Variants in PEX10 observed in about 807,000 individuals in gnomAD.
The protein encoded by PEX10 is peroxisome biogenesis factor 10.
A neutral mutation model predicts 38.0 loss-of-function variants in PEX10; 32 were observed. The ratio of observed to expected loss-of-function variants is 0.84; its 90% CI spans 0.63 to 1.13. The LOEUF (loss-of-function observed/expected upper bound fraction) is 1.13, where lower values mean the gene tolerates loss of function less well. Ranked by LOEUF, PEX10 falls within the 50% of genes most tolerant of loss-of-function variation. PEX10 has a pLI of 0.00. For synonymous variants in PEX10, 206 were observed against 207.3 expected, an observed-to-expected ratio of 0.99 and a Z score of 0.05; for missense variants, 483 against 457.7, an observed-to-expected ratio of 1.06 and a Z score of -0.51.
Position 2,405,407 on chromosome 1 carries a change from A to G in PEX10, c.*359T>C. 1 of 405,090 alleles carries G rather than the reference A, an allele frequency of 2.5e-6. No individual in the cohort carries two copies. 25.1% of individuals were successfully genotyped at this position (405,090 alleles called of 1,614,324 possible). A position where few individuals can be genotyped will look rare whatever the true frequency, so the allele number is the denominator to read the frequency against. On this transcript the variant is annotated 3_prime_UTR_variant, in exon 6 of 6. Coordinates refer to ENST00000447513, the MANE Select transcript of PEX10 (RefSeq NM_002617.4). Reference sequence around the variant, plus strand: ...AGCCTGATGGGGCTGTTTTCTCACAATATAAACGAATAAAGTGTCTTCTGG... The same window carrying G: ...AGCCTGATGGGGCTGTTTTCTCACAGTATAAACGAATAAAGTGTCTTCTGG...
chr1:2,408,418 C>CTAAG (rs772255287), intron 3 of PEX10, 34 bp downstream of exon 3: 6 of 1,611,340 alleles, frequency 3.7e-6, no homozygotes, highest in Admixed American at 3.3e-5. Flanking sequence ...CAAGGACGGC[C>CTAAG]TAAGCAGCTG....
At position 2,408,568 on chromosome 1, in the gene PEX10, G is replaced by A. The variant is rs570706924; in HGVS notation, c.484C>T (p.Arg162Trp). 28 of 1,612,128 alleles carry A rather than the reference G, an allele frequency of 1.7e-5. No individual in the cohort carries two copies. Among genetic ancestry groups the A allele is most frequent in the African/African-American group, 9.3e-5 (7 of 75,064 alleles). The change falls in exon 3 of 6, where the codon CGG becomes TGG. Residue 162 changes from arginine to tryptophan, a missense_variant. Transcript: ENST00000447513. ...CCCTGTCTGAGGACGAAGACCGCCC[G>A]CAGCAGCGCCCTCCTCTGCTGCTCA... is the stretch of plus-strand genomic sequence containing the variant. ...LTEQQRRALLRAVFVLRQGLA... is the reference protein window; with the variant it reads ...LTEQQRRALLWAVFVLRQGLA...
chr1:2,408,161 C>T (rs993511055), intron 3 of PEX10, among the ~76,000 whole-genome samples: 1 of 152,088 alleles, frequency 6.6e-6, no homozygotes, highest in African/African-American at 2.4e-5. Context: ...GACCCGGGGC[C>T]CCCCGGTCAG....
chr1:2,412,600 G>T (rs1177473811), upstream of PEX10: 15 of 959,850 alleles, frequency 1.6e-5, no homozygotes, highest in South Asian at 1.0e-4. Flanking sequence ...TGCGTGCGGC[G>T]CAGACCTCTG....
In PEX10 at chr1:2,409,333, G is replaced by A. The variant is rs1557911113; in HGVS notation, c.194-475C>T. Among the ~76,000 whole-genome samples the A allele has an allele frequency of 6.6e-6, 1 of 152,088 alleles. No individual in the cohort carries two copies. The highest frequency in any genetic ancestry group is 2.4e-5 in the African/African-American group (1 of 41,406). On this transcript the variant is annotated intron_variant, in intron 2 of 5. Transcript: ENST00000447513. This position sits in a 1 kb window ranked among gnomAD's most constrained non-coding sequence, Gnocchi z 6.2. ...GACATCGCCATGTATGCTCAGATGA[G>A]CACCCCAATTCCACCCCTGCCGAGA...
rs1401666486 is a variant in PEX10 at position 2,412,539 on chromosome 1, G to A, written c.-37C>T. On this transcript the variant is annotated 5_prime_UTR_variant, in exon 1 of 6. Coordinates refer to ENST00000447513, the MANE Select transcript of PEX10 (RefSeq NM_002617.4). ...CGGGTGGTCCCGAGCAGCCACGCCG[G>A]CCACGCCCACGCCCAGACGGGCGAG... 2.3e-6 allele frequency: 3 copies of A among 1,298,230 alleles called. No homozygotes were observed. Among genetic ancestry groups the A allele is most frequent in the Non-Finnish European group, 2.9e-6 (3 of 1,021,994 alleles). The allele number at this position is 1,298,230 out of a possible 1,614,324, so 80.4% of individuals were successfully genotyped here. A position where few individuals can be genotyped will look rare whatever the true frequency, so the allele number is the denominator to read the frequency against.
At position 2,409,184 on chromosome 1, in the gene PEX10, C is replaced by T. The variant is rs1002552958; in HGVS notation, c.194-326G>A. 2.0e-5 allele frequency among the ~76,000 whole-genome samples: 3 copies of T among 152,148 alleles called. No homozygotes were observed. Among genetic ancestry groups the T allele is most frequent in the Non-Finnish European group, 4.4e-5 (3 of 68,018 alleles). ...CTCCCTAGCTGTCCCCGCCACCTCCCCCAGCCCAAGCACTCGGATCCAGTC... is the reference window on the plus strand; with the variant it reads ...CTCCCTAGCTGTCCCCGCCACCTCCTCCAGCCCAAGCACTCGGATCCAGTC... On this transcript the variant is annotated intron_variant, in intron 2 of 5. Coordinates refer to ENST00000447513, the MANE Select transcript of PEX10 (RefSeq NM_002617.4). This position sits in a 1 kb window ranked among gnomAD's most constrained non-coding sequence, Gnocchi z 6.2.
In PEX10 at chr1:2,408,528, T is replaced by C. The variant is rs1300848199; in HGVS notation, c.524A>G (p.Gln175Arg). The change falls in exon 3 of 6, where the codon CAG becomes CGG. Residue 175 changes from glutamine (Q) to arginine (R), a missense_variant. Gln to Arg is a conservative substitution (Grantham distance 43, BLOSUM62 1). Transcript: ENST00000447513. ...FVLRQGLACL[Q>R]RLHVAWFYIH... Reference sequence around the variant, plus strand: ...GTAAAACCAGGCAACATGTAGCCGCTGGAGGCAGGCGAGGCCCTGTCTGAG... The same window carrying C: ...GTAAAACCAGGCAACATGTAGCCGCCGGAGGCAGGCGAGGCCCTGTCTGAG... 3 of 1,612,864 alleles carry C rather than the reference T, an allele frequency of 1.9e-6. No individual in the cohort carries two copies.
rs1351403106 is a variant in PEX10, at chr1:2,405,076, C to G, written c.*690G>C. 1.9e-5 allele frequency: 3 copies of G among 160,062 alleles called. No homozygotes were observed. The highest frequency in any genetic ancestry group is 7.2e-5 in the African/African-American group (3 of 41,486). The allele number at this position is 160,062 out of a possible 1,614,324, so 9.9% of individuals were successfully genotyped here. A position where few individuals can be genotyped will look rare whatever the true frequency, so the allele number is the denominator to read the frequency against. The stretch of plus-strand genomic sequence containing the variant: ...GTGCGTCTGGGTCAGGAAGAGACCT[C>G]TCTGTGCGTCTCAGGCTGAGATGCA... On this transcript the variant is annotated 3_prime_UTR_variant, in exon 6 of 6. Coordinates refer to ENST00000447513, the MANE Select transcript of PEX10 (RefSeq NM_002617.4).
At position 2,406,612 on chromosome 1, in the gene PEX10, A is replaced by G; in HGVS notation, c.784T>C (p.Leu262=). Residue 262 remains leucine, a synonymous_variant, in exon 5 of 6, where the codon TTG becomes CTG. Transcript: ENST00000447513. ...TTTCTGGAAACGGCTCTCTCCTCCA[A>G]GGAGGCCCTGGGGAAGGTGGGGCAG... The part of the protein sequence containing the change: ...HRGLSHRRAS[L]EERAVSRNPL... The G allele has an allele frequency of 6.2e-7, 1 of 1,613,322 alleles. No homozygotes were observed. Among genetic ancestry groups the G allele is most frequent in the Non-Finnish European group, 8.5e-7 (1 of 1,179,842 alleles).
chr1:2,413,329 C>T (rs1570131352), upstream of PEX10, among the ~76,000 whole-genome samples: 1 of 152,364 alleles, frequency 6.6e-6, no homozygotes, highest in Non-Finnish European at 1.5e-5. Flanking sequence ...CTGAGCCCCG[C>T]AGGTGCTCTG....
Position 2,408,736 on chromosome 1 carries a change from G to C in PEX10, c.316C>G (p.Leu106Val). Residue 106 changes from leucine (L) to valine (V), a missense_variant, in exon 3 of 6, where the codon CTG (leucine) becomes GTG (valine). Coordinates refer to ENST00000447513, the MANE Select transcript of PEX10 (RefSeq NM_002617.4). ...VTLHAVLPYL[L>V]DKALLPLEQE... ...TCCAGGGGGAGCAGGGCCTTGTCCA[G>C]CAGGTAGGGCAGGACGGCATGCAGT... is the stretch of plus-strand genomic sequence containing the variant. 1 of 1,613,892 alleles carries C rather than the reference G, an allele frequency of 6.2e-7. No homozygotes were observed. Among genetic ancestry groups the C allele is most frequent in the Non-Finnish European group, 8.5e-7 (1 of 1,179,924 alleles).
Position 2,408,510 on chromosome 1 carries a change from CA to C in PEX10, c.541del (p.Trp181GlyfsTer31). The C allele has an allele frequency of 6.2e-7, 1 of 1,612,982 alleles. No individual in the cohort carries two copies. Among genetic ancestry groups the C allele is most frequent in the Non-Finnish European group, 8.5e-7 (1 of 1,180,008 alleles). On this transcript the variant is annotated frameshift_variant, in exon 3 of 6. Coordinates refer to ENST00000447513, the MANE Select transcript of PEX10 (RefSeq NM_002617.4). LOFTEE classifies it high-confidence loss of function. ...GTAGAAGACACCGTGGATGTAAAAC[CA>C]GGCAACATGTAGCCGCTGGAGGCAG... ...LACLQRLHVA[W>X]FYIHGVFYHL...
chr1:2,410,527 A>C lies in PEX10; in HGVS notation c.113-76T>G. The C allele has an allele frequency of 7.6e-7, 1 of 1,310,016 alleles. No individual in the cohort carries two copies. Among genetic ancestry groups the C allele is most frequent in the Admixed American group, 1.8e-5 (1 of 54,224 alleles). 81.1% of individuals were successfully genotyped at this position (1,310,016 alleles called of 1,614,324 possible). A position where few individuals can be genotyped will look rare whatever the true frequency, so the allele number is the denominator to read the frequency against. The stretch of plus-strand genomic sequence containing the variant: ...GGATGAGGGACCACAGTCCTCCCCC[A>C]GTTGTCTAGGCCCAGATCCAGTCCC... On this transcript the variant is annotated intron_variant, in intron 1 of 5. Transcript: ENST00000447513. This position sits in a 1 kb window ranked among gnomAD's most constrained non-coding sequence, Gnocchi z 5.1.
At chr1:2,406,644 A>C in intron 4 of PEX10, 25 bp from the exon 5 acceptor site, 8 of 1,612,770 alleles carry the variant, frequency 5.0e-6, no homozygotes, top group African/African-American at 1.3e-5. Context: ...GCAGAGCGTC[A>C]AGGTGGGTGC....
intron 4 of PEX10, 21 bp from the exon 5 acceptor site, chr1:2,406,640 C>A (rs201328179): frequency 6.2e-6 from 10 of 1,612,828 alleles, no homozygotes; most frequent in Non-Finnish European, 8.5e-6. Context: ...TGGGGCAGAG[C>A]GTCAAGGTGG....
At chr1:2,411,271 T>A (rs1360483345) in intron 1 of PEX10, among the ~76,000 whole-genome samples, 1 of 147,334 alleles carries the variant, frequency 6.8e-6, no homozygotes, top group Non-Finnish European at 1.5e-5. Context: ...AGTCTCACTC[T>A]GTTGCCCAGA....
intron 3 of PEX10, among the ~76,000 whole-genome samples, chr1:2,407,707 T>TAA (rs1486183985): frequency 2.0e-5 from 3 of 152,092 alleles, no homozygotes; most frequent in Admixed American, 6.5e-5. Flanking sequence ...GGTGGCCTCC[T>TAA]GTTTAGGGTG....
At chr1:2,407,004 C>T (rs1216952711) in intron 3 of PEX10, 109 bp from the exon 4 acceptor site, 2 of 1,451,518 alleles carry the variant, frequency 1.4e-6, no homozygotes, top group Non-Finnish European at 1.9e-6. Context: ...AGAACCAGGC[C>T]TCTCACTGGC....
Sources: gnomAD v4.1 joint callset for allele counts (sites outside exome capture counted in the v4.1 genomes callset) on GRCh38, gnomAD v4.1.1 for gene constraint, Gnocchi (gnomAD v3.1) non-coding constraint, MANE v1.5 for transcripts, NCBI Gene and HGNC (gene_info 2026-07-23, HGNC 2026-07-21) for gene names.